BRD2: variants seen among roughly 807,000 people sequenced by gnomAD.
BRD2 encodes the protein bromodomain-containing protein 2.
In BRD2, 15 loss-of-function variants were observed where a neutral mutation model predicts 79.1. The ratio of observed to expected loss-of-function variants is 0.19; its 90% CI spans 0.13 to 0.29. The LOEUF (loss-of-function observed/expected upper bound fraction) is 0.29, where lower values mean the gene tolerates loss of function less well. BRD2 is among the 10% of genes least tolerant of loss of function. The pLI, the probability that BRD2 is intolerant of heterozygous loss-of-function variation, is 1.00. For missense variants in BRD2, 1,053 were observed against 991.3 expected, an observed-to-expected ratio of 1.06 and a Z score of -0.84; for synonymous variants, 488 against 358.6, an observed-to-expected ratio of 1.36 and a Z score of -4.08.
intron 4 of BRD2, 55 bp from the exon 5 acceptor site, chr6:32,975,976 T>A: frequency 6.4e-7 from 1 of 1,550,978 alleles, no homozygotes; most frequent in Admixed American, 1.9e-5. Context: ...ATGGTGTGTA[T>A]CTATCTTCTG....
At chr6:32,980,522 T>A (rs1415429298) in intron 12 of BRD2, 58 bp downstream of exon 12, 1 of 1,612,294 alleles carries the variant, frequency 6.2e-7, no homozygotes, top group Admixed American at 1.7e-5. Flanking sequence ...CTTGACTGTC[T>A]TTTATTGACA....
At chr6:32,977,036 C>T (rs1246832969) in intron 7 of BRD2, 100 bp downstream of exon 7, 9 of 1,435,202 alleles carry the variant, frequency 6.3e-6, no homozygotes, top group South Asian at 1.4e-5. Context: ...GTCTTTGGTT[C>T]TTGGCATTTT....
chr6:32,973,654 T>C (rs1778332271), intron 2 of BRD2, among the ~76,000 whole-genome samples: 1 of 151,926 alleles, frequency 6.6e-6, no homozygotes, highest in African/African-American at 2.4e-5. Context: ...ACTGTTAGCG[T>C]TTGGTGTCCG....
intron 3 of BRD2, chr6:32,975,098 TAGCC>T: frequency 2.6e-6 from 4 of 1,509,504 alleles, no homozygotes; most frequent in Non-Finnish European, 3.5e-6. Context: ...AGCCCATGGA[TAGCC>T]AGCCCCAGAG....
At chr6:32,973,130 G>A (rs1778254328) in intron 2 of BRD2, 3 of 1,551,002 alleles carry the variant, frequency 1.9e-6, no homozygotes, top group Non-Finnish European at 2.6e-6. Context: ...GGGAATACAG[G>A]TTGTCAATTT....
Position 32,977,880 on chromosome 6 carries a change from A to T in BRD2, c.1453A>T (p.Ser485Cys), listed in dbSNP as rs749055771. Reference protein sequence around the residue: ...KSSSESSSEESSSESSSEEEE... With the variant: ...KSSSESSSEECSSESSSEEEE... ...GTCTTCAGAGTCCTCCAGTGAGGAA[A>T]GTAGCAGTGAGAGCTCCTCTGAGGA... Residue 485 changes from serine (S) to cysteine (C), a missense_variant, in exon 9 of 13, where the codon AGT (serine) becomes TGT (cysteine). By Grantham distance (112) the Ser-to-Cys change is moderately radical (BLOSUM62 -1). Transcript: ENST00000374825. The T allele has an allele frequency of 1.2e-6, 2 of 1,613,094 alleles. No individual in the cohort carries two copies. The highest frequency in any genetic ancestry group is 1.7e-6 in the Non-Finnish European group (2 of 1,180,014).
chr6:32,979,866 T>C lies in BRD2; in HGVS notation c.1880T>C (p.Leu627Pro), dbSNP rs746793363. 8 of 1,612,840 alleles carry C rather than the reference T, an allele frequency of 5.0e-6. No homozygotes were observed. The South Asian group carries it at 8.8e-5, about 18-fold the overall frequency. Reference sequence around the variant, plus strand: ...GCCACAAAGACAGCCCCACCTGCCCTGCCTACAGGTTATGATTCAGAGGAG... The same window carrying C: ...GCCACAAAGACAGCCCCACCTGCCCCGCCTACAGGTTATGATTCAGAGGAG... ...KKATKTAPPA[L>P]PTGYDSEEEE... The change falls in exon 11 of 13, where the codon CTG (leucine) becomes CCG (proline). Residue 627 changes from leucine to proline, a missense_variant. By Grantham distance (98) the Leu-to-Pro change is moderately conservative. Transcript: ENST00000374825.
chr6:32,977,732 GT>G (rs750517243), intron 8 of BRD2, 24 bp from the exon 9 acceptor site: 3 of 1,612,628 alleles, frequency 1.9e-6, no homozygotes, highest in Non-Finnish European at 2.5e-6. Context: ...TATCAGCATA[GT>G]TTTGAGTTTG....
chr6:32,975,190 G>C (rs953502839), intron 3 of BRD2, 194 bp from the exon 4 acceptor site: 202 of 1,307,814 alleles, frequency 1.5e-4, no homozygotes, highest in Non-Finnish European at 2.0e-4. Context: ...GCCTCCCTGT[G>C]GATGTCAAGA....
chr6:32,977,363 C>T (rs1032083095), intron 7 of BRD2, 79 bp from the exon 8 acceptor site: 2 of 1,611,080 alleles, frequency 1.2e-6, no homozygotes, highest in Non-Finnish European at 1.7e-6. Context: ...AGAGAGGGCT[C>T]TTCTTGTGGT....
At chr6:32,978,754 T>A (rs1486642259) in intron 10 of BRD2, 1 of 281,618 alleles carries the variant, frequency 3.6e-6, no homozygotes, top group African/African-American at 2.2e-5. Context: ...TGCCGGCTGT[T>A]CACCTCCTGC....
chr6:32,979,682 C>A (rs1779276893), intron 10 of BRD2, 146 bp from the exon 11 acceptor site: 2 of 891,382 alleles, frequency 2.2e-6, no homozygotes, highest in Non-Finnish European at 3.3e-6. Flanking sequence ...TACAGTGTCC[C>A]AGTAGCCCAC....
intron 3 of BRD2, chr6:32,975,169 A>G: frequency 7.0e-7 from 1 of 1,432,610 alleles, no homozygotes; most frequent in African/African-American, 1.4e-5. Flanking sequence ...GGTTAGAGAA[A>G]GGCAGCAGGG....
rs1379337200 is a variant in BRD2 at position 32,976,878 on chromosome 6, T to A, written c.1142T>A (p.Leu381His). Reference protein sequence around the residue: ...PFYKPVDASALGLHDYHDIIK... With the variant: ...PFYKPVDASAHGLHDYHDIIK... ...TATAAACCAGTGGATGCTTCTGCAC[T>A]TGGCCTGCATGACTACCATGACATC... The change falls in exon 7 of 13, where the codon CTT becomes CAT. Residue 381 changes from leucine to histidine, a missense_variant. Leu to His is a moderately conservative substitution (Grantham distance 99). Transcript: ENST00000374825. 6.2e-7 allele frequency: 1 copy of A among 1,613,118 alleles called. No individual in the cohort carries two copies. Among genetic ancestry groups the A allele is most frequent in the Non-Finnish European group, 8.5e-7 (1 of 1,180,014 alleles).
chr6:32,979,512 T>C (rs2127525842), intron 10 of BRD2: 1 of 367,106 alleles, frequency 2.7e-6, no homozygotes, highest in Admixed American at 4.2e-5. Flanking sequence ...GTTGAAGATT[T>C]GTGACAACCC....
rs1205816626 is a variant in BRD2, at chr6:32,974,730, C to T, written c.298C>T (p.Arg100Trp). The T allele has an allele frequency of 3.7e-6, 6 of 1,614,050 alleles. No homozygotes were observed. The highest frequency in any genetic ancestry group is 3.4e-6 in the Non-Finnish European group (4 of 1,179,976). ...LWKHQFAWPFRQPVDAVKLGL... is the reference protein window; with the variant it reads ...LWKHQFAWPFWQPVDAVKLGL... Reference sequence around the variant, plus strand: ...GAAACATCAGTTCGCATGGCCATTCCGGCAGCCTGTGGATGCTGTCAAACT... The same window carrying T: ...GAAACATCAGTTCGCATGGCCATTCTGGCAGCCTGTGGATGCTGTCAAACT... The change falls in exon 3 of 13, where the codon CGG becomes TGG. Residue 100 changes from arginine to tryptophan, a missense_variant. Arg to Trp is a moderately radical substitution (Grantham distance 101, BLOSUM62 -3). Around this residue, in one of 5 missense-constraint regions of BRD2, gnomAD observed 413 missense variants for 335.1 expected, o/e 1.23. Transcript: ENST00000374825.
Position 32,972,897 on chromosome 6 carries a change from A to G in BRD2, c.-2A>G, listed in dbSNP as rs1169622588. Reference sequence around the variant, plus strand: ...GGGCAGCGCCGGTTCCTTGCGGTCAAGATGCTGCAAAACGTGACTCCCCAC... The same window carrying G: ...GGGCAGCGCCGGTTCCTTGCGGTCAGGATGCTGCAAAACGTGACTCCCCAC... On this transcript the variant is annotated 5_prime_UTR_variant, in exon 2 of 13. Transcript: ENST00000374825. 1 of 1,614,064 alleles carries G rather than the reference A, an allele frequency of 6.2e-7. No homozygotes were observed. The highest frequency in any genetic ancestry group is 1.7e-5 in the Admixed American group (1 of 60,028).
At position 32,972,662 on chromosome 6, in the gene BRD2, C is replaced by T; in HGVS notation, c.-237C>T. 1 of 616,042 alleles carries T rather than the reference C, an allele frequency of 1.6e-6. No homozygotes were observed. The highest frequency in any genetic ancestry group is 2.8e-6 in the Non-Finnish European group (1 of 351,032). The allele number at this position is 616,042 out of a possible 1,614,324, so 38.2% of individuals were successfully genotyped here. A position where few individuals can be genotyped will look rare whatever the true frequency, so the allele number is the denominator to read the frequency against. On this transcript the variant is annotated 5_prime_UTR_variant, in exon 2 of 13. Coordinates refer to ENST00000374825, the MANE Select transcript of BRD2 (RefSeq NM_005104.4). ...CCTTAGTTGCCCGCCTCAGCTGAGGCCGCCGCCATTTTCTTGCTGTCCGCC... is the reference window on the plus strand; with the variant it reads ...CCTTAGTTGCCCGCCTCAGCTGAGGTCGCCGCCATTTTCTTGCTGTCCGCC...
intron 10 of BRD2, 108 bp downstream of exon 10, chr6:32,978,496 A>C: frequency 6.6e-7 from 1 of 1,516,770 alleles, no homozygotes; most frequent in South Asian, 1.3e-5. Context: ...CAGATACAAT[A>C]GGCTTTGAGC....
Sources: gnomAD v4.1 joint callset for allele counts (sites outside exome capture counted in the v4.1 genomes callset) on GRCh38, gnomAD v4.1.1 for gene constraint, gnomAD v4.1.1 regional missense constraint, MANE v1.5 for transcripts, NCBI Gene and HGNC (gene_info 2026-07-23, HGNC 2026-07-21) for gene names.